Variants in PUS10 observed in about 807,000 individuals in gnomAD.
The protein encoded by PUS10 is pseudouridine synthase 10.
A neutral mutation model predicts 75.0 loss-of-function variants in PUS10; 59 were observed. That is an observed-to-expected ratio of 0.79 (90% CI 0.64 to 0.98). The LOEUF (loss-of-function observed/expected upper bound fraction) is 0.98, where lower values mean the gene tolerates loss of function less well. PUS10 is among the 50% of genes least tolerant of loss of function. The probability of loss-of-function intolerance (pLI) is 0.00; values close to 1 mark genes in which losing one functional copy is unlikely to be tolerated. For missense variants in PUS10, 650 were observed against 614.4 expected (o/e 1.06, Z -0.61); for synonymous variants, 219 against 211.6 (o/e 1.03, Z -0.30).
At chr2:60,951,915 G>T (rs554107683) in intron 15 of PUS10, among the ~76,000 whole-genome samples, 1 of 152,304 alleles carries the variant, frequency 6.6e-6, no homozygotes, top group East Asian at 1.9e-4. Context: ...ATACAGATAA[G>T]CCATTAATAT....
intron 15 of PUS10, among the ~76,000 whole-genome samples, chr2:60,951,974 CTATT>C (rs1675363151): frequency 6.6e-6 from 1 of 152,152 alleles, no homozygotes; most frequent in Non-Finnish European, 1.5e-5. Context: ...AAAATATTGC[CTATT>C]TAAACAATGT....
intron 4 of PUS10, among the ~76,000 whole-genome samples, chr2:60,998,168 A>G (rs1355463885): frequency 1.3e-5 from 2 of 152,222 alleles, no homozygotes; most frequent in Non-Finnish European, 2.9e-5. Flanking sequence ...ACATCAATCA[A>G]TAACAGAAGG....
At position 60,998,225 on chromosome 2, in the gene PUS10, T is replaced by G. The variant is rs375667456; in HGVS notation, c.468+8332A>C. On this transcript the variant is annotated intron_variant, in intron 4 of 17. Transcript: ENST00000316752. The stretch of plus-strand genomic sequence containing the variant: ...TTCTAGGACTAATGGCCTGAGAGTT[T>G]AAGAGGCCTCTGTAAACACATACAA... Among the ~76,000 whole-genome samples the G allele has an allele frequency of 1.9e-4, 29 of 152,304 alleles. No individual in the cohort carries two copies. The East Asian group carries it at 4.6e-3, about 24-fold the overall frequency.
At chr2:60,992,749 T>C in intron 4 of PUS10, among the ~76,000 whole-genome samples, 1 of 152,182 alleles carries the variant, frequency 6.6e-6, no homozygotes, top group East Asian at 1.9e-4. Context: ...TTTTATTTTT[T>C]CCCCACACAA....
intron 4 of PUS10, among the ~76,000 whole-genome samples, chr2:60,999,784 G>A (rs972726287): frequency 6.6e-6 from 1 of 152,042 alleles, no homozygotes; most frequent in Admixed American, 6.6e-5. Context: ...TTGCATCTAT[G>A]GATTCAATCA....
intron 4 of PUS10, among the ~76,000 whole-genome samples, chr2:60,981,420 T>C (rs1183467296): frequency 1.3e-5 from 2 of 151,738 alleles, no homozygotes; most frequent in Non-Finnish European, 2.9e-5. Flanking sequence ...GTAGCTGGGA[T>C]TACAGGTGCC....
At position 61,009,089 on chromosome 2, in the gene PUS10, A is replaced by G. The variant is rs1354933496; in HGVS notation, c.127-74T>C. On this transcript the variant is annotated intron_variant, in intron 2 of 17. Transcript: ENST00000316752. ...AAGGCTTTCTAGGTAAGATGAAACA[A>G]GAAAACATGAGTGAAAATTAGGACA... 8.3e-6 allele frequency: 11 copies of G among 1,324,116 alleles called. No homozygotes were observed. In the East Asian group the frequency reaches 1.4e-4, roughly 17 times the overall value. 82.0% of individuals were successfully genotyped at this position (1,324,116 alleles called of 1,614,324 possible). A position where few individuals can be genotyped will look rare whatever the true frequency, so the allele number is the denominator to read the frequency against.
At chr2:60,960,574 T>G in intron 10 of PUS10, 57 bp from the exon 11 acceptor site, 1 of 1,499,564 alleles carries the variant, frequency 6.7e-7, no homozygotes, top group Non-Finnish European at 8.9e-7. Context: ...CATGGTAGGA[T>G]AAAAAGAGAA....
Position 60,964,477 on chromosome 2 carries a change from C to T in PUS10, c.723+581G>A, listed in dbSNP as rs191505118. On this transcript the variant is annotated intron_variant, in intron 8 of 17. Transcript: ENST00000316752. ...CACATCATTCTATCCTGACATGATA[C>T]GAGCTAAGAGTGTATGTTAACTAAC... 3.3e-5 allele frequency among the ~76,000 whole-genome samples: 5 copies of T among 152,200 alleles called. No homozygotes were observed. The South Asian group carries it at 6.2e-4, about 19-fold the overall frequency.
rs766519441 is a variant in PUS10 at position 60,953,130 on chromosome 2, T to G, written c.1191-16A>C. The G allele has an allele frequency of 2.9e-6, 4 of 1,368,698 alleles. No homozygotes were observed. In the South Asian group the frequency reaches 4.9e-5, roughly 17 times the overall value. 84.8% of individuals were successfully genotyped at this position (1,368,698 alleles called of 1,614,324 possible). A position where few individuals can be genotyped will look rare whatever the true frequency, so the allele number is the denominator to read the frequency against. On this transcript the variant is annotated splice_polypyrimidine_tract_variant and intron_variant, in intron 14 of 17. Transcript: ENST00000316752. ...TATTGCCTCTCTAAACAAAAACAAT[T>G]TTTAGAAGTTTGTCCAAATAAACAA...
intron 5 of PUS10, among the ~76,000 whole-genome samples, chr2:60,970,789 G>A (rs1676611435): frequency 6.6e-6 from 1 of 152,048 alleles, no homozygotes; most frequent in Non-Finnish European, 1.5e-5. Flanking sequence ...TGTTTTCTAT[G>A]TCTTACCTAT....
intron 5 of PUS10, among the ~76,000 whole-genome samples, chr2:60,970,692 A>G (rs6754359): frequency 0.065 from 9,895 of 152,212 alleles, 1,127 homozygotes; most frequent in African/African-American, 0.23. Flanking sequence ...GATCTCTAAC[A>G]TCATATCACA....
chr2:61,017,875 G>A lies in PUS10; in HGVS notation c.-16+133C>T, dbSNP rs1227997150. ...CAGTGAGTGTGGGATTCTTCAGGCT[G>A]TGAGTTTAGTGGGCCCGAGCGGGGA... On this transcript the variant is annotated intron_variant, in intron 1 of 17. Coordinates refer to ENST00000316752, the MANE Select transcript of PUS10 (RefSeq NM_144709.4). The A allele has an allele frequency of 7.8e-6, 12 of 1,544,392 alleles. No individual in the cohort carries two copies. In the Admixed American group the frequency reaches 2.4e-4, roughly 30 times the overall value.
chr2:60,943,708 G>A (rs183468322), intron 17 of PUS10, among the ~76,000 whole-genome samples: 72 of 151,750 alleles, frequency 4.7e-4, no homozygotes, highest in African/African-American at 1.7e-3. Flanking sequence ...ACACCCAAAT[G>A]TAAATTAATG....
chr2:60,968,615 A>G (rs1189116073), intron 5 of PUS10, among the ~76,000 whole-genome samples: 1 of 149,664 alleles, frequency 6.7e-6, no homozygotes, highest in African/African-American at 2.5e-5. Context: ...AGTTGATCAG[A>G]AAAAAAAAAG....
At chr2:60,995,644 C>T (rs1224365265) in intron 4 of PUS10, among the ~76,000 whole-genome samples, 1 of 152,134 alleles carries the variant, frequency 6.6e-6, no homozygotes, top group Non-Finnish European at 1.5e-5. Flanking sequence ...ATAAAGATCT[C>T]TACAGTTAGA....
intron 4 of PUS10, among the ~76,000 whole-genome samples, chr2:60,973,676 T>C (rs780896342): frequency 6.6e-6 from 1 of 151,558 alleles, no homozygotes. Flanking sequence ...GGCAGAGAGG[T>C]TCCTGGGCAG....
intron 6 of PUS10, 86 bp downstream of exon 6, chr2:60,967,416 T>A (rs1676404003): frequency 2.2e-6 from 2 of 893,996 alleles, no homozygotes; most frequent in Admixed American, 5.1e-5. Flanking sequence ...AAAAGAAGTT[T>A]TTTTGGCTAA....
At position 60,941,527 on chromosome 2, in the gene PUS10, T is replaced by C. The variant is rs1674626086; in HGVS notation, c.*868A>G. 1 of 152,200 alleles carries C rather than the reference T, an allele frequency of 6.6e-6. No individual in the cohort carries two copies. Among genetic ancestry groups the C allele is most frequent in the African/African-American group, 2.4e-5 (1 of 41,468 alleles). The allele number at this position is 152,200 out of a possible 1,614,324, so 9.4% of individuals were successfully genotyped here. A position where few individuals can be genotyped will look rare whatever the true frequency, so the allele number is the denominator to read the frequency against. ...TATTTATAAAATGGAGACAATATCC[T>C]ATCTACTTTAATAAGGTATTATTAA... On this transcript the variant is annotated 3_prime_UTR_variant, in exon 18 of 18. Transcript: ENST00000316752.
Sources: gnomAD v4.1 joint callset for allele counts (sites outside exome capture counted in the v4.1 genomes callset) on GRCh38, gnomAD v4.1.1 for gene constraint, MANE v1.5 for transcripts, NCBI Gene and HGNC (gene_info 2026-07-23, HGNC 2026-07-21) for gene names.